ERI3: variants seen among roughly 807,000 people sequenced by gnomAD.
ERI3 encodes ERI1 exoribonuclease family member 3, also known as ERI1 exoribonuclease 3.
In ERI3, 18 loss-of-function variants were observed where a neutral mutation model predicts 44.4. The observed-to-expected ratio is 0.41, with a 90% CI of 0.28 to 0.60. ERI3 has a LOEUF of 0.60. Among genes scored for constraint, ERI3 ranks in the 20% least tolerant of loss-of-function variants. The probability of loss-of-function intolerance (pLI) is 0.36; values close to 1 mark genes in which losing one functional copy is unlikely to be tolerated. For synonymous variants in ERI3, 183 were observed against 164.8 expected, an observed-to-expected ratio of 1.11 and a Z score of -0.84; for missense variants, 294 against 435.5, an observed-to-expected ratio of 0.68 and a Z score of 2.89.
chr1:44,353,068 T>G, intron 1 of ERI3, 143 bp from the exon 2 acceptor site: 1 of 1,473,834 alleles, frequency 6.8e-7, no homozygotes, highest in African/African-American at 1.4e-5. Flanking sequence ...CCCACAGAGC[T>G]TTCAGAAACT....
chr1:44,277,840 C>G (rs1443357973), intron 7 of ERI3, among the ~76,000 whole-genome samples: 3 of 152,128 alleles, frequency 2.0e-5, no homozygotes, highest in Non-Finnish European at 2.9e-5. Context: ...GTTTTCTCAA[C>G]CTTAAAATGT....
intron 8 of ERI3, among the ~76,000 whole-genome samples, chr1:44,224,835 AG>A (rs1572047761): frequency 6.6e-6 from 1 of 152,228 alleles, no homozygotes; most frequent in Admixed American, 6.5e-5. Flanking sequence ...GACCAGGGAA[AG>A]GAAGAAATTT....
chr1:44,318,108 C>CT (rs2154328938), intron 4 of ERI3, among the ~76,000 whole-genome samples: 1 of 152,310 alleles, frequency 6.6e-6, no homozygotes, highest in South Asian at 2.1e-4. Context: ...TCCCTCCTCC[C>CT]ATTCCCACAA....
intron 7 of ERI3, among the ~76,000 whole-genome samples, chr1:44,275,623 T>C (rs1645166084): frequency 6.6e-6 from 1 of 152,224 alleles, no homozygotes; most frequent in South Asian, 2.1e-4. Context: ...CTTTAAGAGC[T>C]GGTCCTCATC....
chr1:44,234,402 C>T (rs1265689282), intron 8 of ERI3, among the ~76,000 whole-genome samples: 4 of 151,626 alleles, frequency 2.6e-5, no homozygotes, highest in Admixed American at 2.0e-4. Context: ...TGGTGGCTCA[C>T]GCTATAATCC....
intron 7 of ERI3, among the ~76,000 whole-genome samples, chr1:44,280,237 G>T (rs1645259066): frequency 1.3e-5 from 2 of 152,272 alleles, no homozygotes; most frequent in African/African-American, 2.4e-5. Context: ...ATTTTTATTA[G>T]ATTCCTATCT....
At chr1:44,260,269 A>G (rs1049781332) in intron 7 of ERI3, among the ~76,000 whole-genome samples, 1 of 152,236 alleles carries the variant, frequency 6.6e-6, no homozygotes, top group Non-Finnish European at 1.5e-5. Flanking sequence ...GAGAGGAGGG[A>G]AGTTCTCAGG....
At chr1:44,267,415 C>T (rs147431551) in intron 7 of ERI3, among the ~76,000 whole-genome samples, 312 of 152,294 alleles carry the variant, frequency 2.0e-3, no homozygotes, top group African/African-American at 7.2e-3. Context: ...CTTCTTCCCT[C>T]CCTTTCTTTC....
At chr1:44,258,609 GGA>G (rs977610627) in intron 7 of ERI3, among the ~76,000 whole-genome samples, 2 of 152,152 alleles carry the variant, frequency 1.3e-5, no homozygotes, top group African/African-American at 4.8e-5. Context: ...CAGGCTAGAA[GGA>G]GAGACATGTA....
chr1:44,300,359 G>A (rs1232125396), intron 6 of ERI3, among the ~76,000 whole-genome samples: 1 of 152,276 alleles, frequency 6.6e-6, no homozygotes, highest in East Asian at 1.9e-4. Context: ...TGCCACTGGG[G>A]TTCCACCCTA....
At chr1:44,295,292 T>C (rs1005681182) in intron 6 of ERI3, among the ~76,000 whole-genome samples, 16 of 152,182 alleles carry the variant, frequency 1.1e-4, no homozygotes, top group African/African-American at 3.9e-4. Context: ...AAAAAAAGTT[T>C]AGTACTAAAA....
chr1:44,298,350 CA>C (rs994828657), intron 6 of ERI3, among the ~76,000 whole-genome samples: 2 of 152,000 alleles, frequency 1.3e-5, no homozygotes, highest in African/African-American at 4.8e-5. Flanking sequence ...ACCACATGGC[CA>C]AAGGACTGGA....
chr1:44,264,279 AC>A (rs1644947376), intron 7 of ERI3, among the ~76,000 whole-genome samples: 1 of 152,204 alleles, frequency 6.6e-6, no homozygotes, highest in Admixed American at 6.5e-5. Context: ...CAGGTTACTG[AC>A]AAGAAACATC....
At chr1:44,337,986 C>A (rs1255467493) in intron 3 of ERI3, among the ~76,000 whole-genome samples, 1 of 152,200 alleles carries the variant, frequency 6.6e-6, no homozygotes, top group African/African-American at 2.4e-5. Flanking sequence ...ACCAACACTA[C>A]AATGAACTGC....
intron 4 of ERI3, among the ~76,000 whole-genome samples, chr1:44,319,254 A>G (rs1225453663): frequency 6.6e-6 from 1 of 152,248 alleles, no homozygotes; most frequent in Non-Finnish European, 1.5e-5. Context: ...GAAAGCTAAG[A>G]AGGCCTGAAC....
At chr1:44,337,071 A>C (rs1646549461) in intron 3 of ERI3, among the ~76,000 whole-genome samples, 4 of 152,360 alleles carry the variant, frequency 2.6e-5, no homozygotes, top group Admixed American at 2.6e-4. Flanking sequence ...TGACATTGAC[A>C]GACCAAACTG....
chr1:44,282,964 T>C (rs952112973), intron 7 of ERI3, among the ~76,000 whole-genome samples: 1 of 152,194 alleles, frequency 6.6e-6, no homozygotes, highest in Non-Finnish European at 1.5e-5. Flanking sequence ...CGTTACCACA[T>C]GGGTCGGCTG....
Position 44,241,892 on chromosome 1 carries a change from A to G in ERI3, c.931+6047T>C. Reference sequence around the variant, plus strand: ...CATCCATCTGTCCATCAACTCACCCACCCATCTAGTCCATCAACTCACCCA... The same window carrying G: ...CATCCATCTGTCCATCAACTCACCCGCCCATCTAGTCCATCAACTCACCCA... On this transcript the variant is annotated intron_variant, in intron 8 of 8. Transcript: ENST00000372257. This position sits in a 1 kb window ranked among gnomAD's most constrained non-coding sequence, Gnocchi z 5.6. The G allele has an allele frequency of 1.3e-5, 12 of 943,390 alleles. No individual in the cohort carries two copies. The highest frequency in any genetic ancestry group is 1.5e-5 in the Non-Finnish European group (12 of 791,570). The allele number at this position is 943,390 out of a possible 1,614,324, so 58.4% of individuals were successfully genotyped here. A position where few individuals can be genotyped will look rare whatever the true frequency, so the allele number is the denominator to read the frequency against.
intron 8 of ERI3, among the ~76,000 whole-genome samples, chr1:44,236,800 G>C (rs541609370): frequency 6.6e-6 from 1 of 152,130 alleles, no homozygotes; most frequent in African/African-American, 2.4e-5. Flanking sequence ...CCGCCAAAAT[G>C]ATCAAGCTGT....
Sources: allele counts gnomAD v4.1 joint callset (sites outside exome capture counted in the v4.1 genomes callset), GRCh38; gene constraint gnomAD v4.1.1; non-coding constraint Gnocchi (gnomAD v3.1); transcripts MANE v1.5; gene names NCBI Gene and HGNC (gene_info 2026-07-23, HGNC 2026-07-21).